AGBL1: variants seen among roughly 807,000 people sequenced by gnomAD.
The protein encoded by AGBL1 is AGBL carboxypeptidase 1.
A neutral mutation model predicts 118.9 loss-of-function variants in AGBL1; 130 were observed. That is an observed-to-expected ratio of 1.09 (90% CI 0.95 to 1.26). The LOEUF is 1.26. Among genes scored for constraint, AGBL1 ranks in the 50% most tolerant of loss-of-function variants. AGBL1 has a pLI of 0.00. For missense variants in AGBL1, 1,584 were observed against 1,298.1 expected (o/e 1.22, Z -3.38); for synonymous variants, 555 against 478.9 (o/e 1.16, Z -2.08).
chr15:86,821,366 ATATCT>A (rs1191719198), intron 22 of AGBL1, among the ~76,000 whole-genome samples: 1 of 152,200 alleles, frequency 6.6e-6, no homozygotes, highest in African/African-American at 2.4e-5. Flanking sequence ...AGCATGTTAA[ATATCT>A]TAGGGAGAAT....
At chr15:86,304,436 T>C (rs934743751) in intron 17 of AGBL1, among the ~76,000 whole-genome samples, 6 of 152,210 alleles carry the variant, frequency 3.9e-5, no homozygotes, top group African/African-American at 1.4e-4. Context: ...ACTCCGAATC[T>C]CTTTATCACA....
intron 21 of AGBL1, among the ~76,000 whole-genome samples, chr15:86,635,244 TCCTCCTCCTCCC>T (rs2085056014): frequency 7.8e-6 from 1 of 128,840 alleles, no homozygotes; most frequent in African/African-American, 3.0e-5. Flanking sequence ...TTCTTCTTTC[TCCTCCTCCTCCC>T]CCTCCCCCTC....
At chr15:86,307,223 A>G (rs908292326) in intron 17 of AGBL1, among the ~76,000 whole-genome samples, 6 of 152,072 alleles carry the variant, frequency 3.9e-5, no homozygotes, top group Non-Finnish European at 8.8e-5. Flanking sequence ...TTCCTTTTAA[A>G]TTGTTTATTT....
downstream of AGBL1, among the ~76,000 whole-genome samples, chr15:86,919,836 A>G (rs2080467264): frequency 6.6e-6 from 1 of 152,154 alleles, no homozygotes; most frequent in Non-Finnish European, 1.5e-5. Context: ...TCCAGCCTGT[A>G]AAGCACTCAC....
chr15:86,400,376 G>C (rs1355450277), intron 18 of AGBL1, among the ~76,000 whole-genome samples: 5 of 151,684 alleles, frequency 3.3e-5, no homozygotes, highest in African/African-American at 1.2e-4. Context: ...TATTTTTTTC[G>C]ATGTTCTCAT....
intron 18 of AGBL1, among the ~76,000 whole-genome samples, chr15:86,517,963 G>A (rs1372342102): frequency 6.6e-6 from 1 of 152,102 alleles, no homozygotes; most frequent in Non-Finnish European, 1.5e-5. Context: ...CTTCACCTAG[G>A]ATGTACAGTG....
At chr15:86,947,571 A>G (rs2080838966) in intron 23 of AGBL1, among the ~76,000 whole-genome samples, 1 of 152,204 alleles carries the variant, frequency 6.6e-6, no homozygotes, top group South Asian at 2.1e-4. Context: ...TATTTTGAAA[A>G]TATCAAACTT....
intron 21 of AGBL1, among the ~76,000 whole-genome samples, chr15:86,625,769 A>G (rs2084877744): frequency 6.6e-6 from 1 of 152,164 alleles, no homozygotes; most frequent in Admixed American, 6.5e-5. Context: ...TTCTCCCCTG[A>G]AAAAGTTATT....
At chr15:86,989,299 C>A (rs1223880378) in intron 24 of AGBL1, among the ~76,000 whole-genome samples, 1 of 152,084 alleles carries the variant, frequency 6.6e-6, no homozygotes, top group Non-Finnish European at 1.5e-5. Context: ...CCACACCCAG[C>A]CCTCATTTGT....
Position 86,457,701 on chromosome 15 carries a change from A to G in AGBL1, c.2555+60155A>G, listed in dbSNP as rs556330114. On this transcript the variant is annotated intron_variant, in intron 18 of 22. Coordinates refer to ENST00000614907, the MANE Select transcript of AGBL1 (RefSeq NM_001386094.1). ...AGAGATATATCTTCCCAGTAGTCACATTATATAGGATGATATAGTTTTGTT... is the reference window on the plus strand; with the variant it reads ...AGAGATATATCTTCCCAGTAGTCACGTTATATAGGATGATATAGTTTTGTT... 1.6e-3 allele frequency among the ~76,000 whole-genome samples: 239 copies of G among 152,352 alleles called. 2 individuals are homozygous for G. The highest frequency in any genetic ancestry group is 3.4e-3 in the Middle Eastern group (1 of 294).
At chr15:86,612,682 AG>A (rs1200356318) in intron 21 of AGBL1, among the ~76,000 whole-genome samples, 1 of 152,214 alleles carries the variant, frequency 6.6e-6, no homozygotes, top group Non-Finnish European at 1.5e-5. Flanking sequence ...GGCCCTGCAA[AG>A]CTGTCTCTTG....
At chr15:86,501,986 A>G (rs1279670696) in intron 18 of AGBL1, among the ~76,000 whole-genome samples, 4 of 151,654 alleles carry the variant, frequency 2.6e-5, no homozygotes, top group African/African-American at 4.8e-5. Flanking sequence ...AAAAACCCAG[A>G]TGGACTTATG....
chr15:86,554,917 G>T (rs986120761), intron 21 of AGBL1, among the ~76,000 whole-genome samples: 3 of 152,150 alleles, frequency 2.0e-5, no homozygotes, highest in Admixed American at 6.5e-5. Flanking sequence ...AAAGGGCATA[G>T]GTCAGTGTGT....
intron 18 of AGBL1, among the ~76,000 whole-genome samples, chr15:86,511,625 T>G (rs1403863302): frequency 3.3e-5 from 5 of 152,028 alleles, no homozygotes; most frequent in Non-Finnish European, 7.4e-5. Context: ...TAATTATAAA[T>G]GCCTCTAGGG....
chr15:86,729,916 A>G (rs2077505527), intron 22 of AGBL1, among the ~76,000 whole-genome samples: 1 of 152,194 alleles, frequency 6.6e-6, no homozygotes, highest in African/African-American at 2.4e-5. Flanking sequence ...TCTTTTCTCC[A>G]CAACCTCAGC....
intron 21 of AGBL1, among the ~76,000 whole-genome samples, chr15:86,562,881 T>G: frequency 6.6e-6 from 1 of 152,066 alleles, no homozygotes; most frequent in East Asian, 1.9e-4. Context: ...GGAGGGTGCA[T>G]GTGTCCAGGA....
chr15:86,167,151 T>G (rs2077352828), intron 5 of AGBL1, among the ~76,000 whole-genome samples: 1 of 152,164 alleles, frequency 6.6e-6, no homozygotes. Context: ...AAAGGGAGTT[T>G]GAGGAACTTG....
intron 22 of AGBL1, among the ~76,000 whole-genome samples, chr15:86,699,224 C>T (rs2086314576): frequency 6.6e-6 from 1 of 151,888 alleles, no homozygotes; most frequent in South Asian, 2.1e-4. Flanking sequence ...TATACACAGA[C>T]TATATATACC....
intron 5 of AGBL1, among the ~76,000 whole-genome samples, chr15:86,192,323 A>G (rs1359698745): frequency 6.7e-6 from 1 of 150,090 alleles, no homozygotes; most frequent in African/African-American, 2.4e-5. Flanking sequence ...ATATTTATAT[A>G]AATATATTAC....
Sources: allele counts gnomAD v4.1 joint callset (sites outside exome capture counted in the v4.1 genomes callset), GRCh38; gene constraint gnomAD v4.1.1; transcripts MANE v1.5; gene names NCBI Gene and HGNC (gene_info 2026-07-23, HGNC 2026-07-21).